The following ATG12 variants were observed in gnomAD, a reference collection of about 807,000 sequenced individuals.
ATG12 encodes autophagy related 12.
ATG12 carries 19 observed loss-of-function variants against 17.6 expected under a neutral mutation model. The ratio of observed to expected loss-of-function variants is 1.08; its 90% CI spans 0.75 to 1.58. ATG12 has a LOEUF of 1.58. Ranked by LOEUF, ATG12 falls within the 40% of genes most tolerant of loss-of-function variation. The pLI, the probability that ATG12 is intolerant of heterozygous loss-of-function variation, is 0.00. For missense variants in ATG12, 214 were observed against 162.0 expected (o/e 1.32, Z -1.74); for synonymous variants, 75 against 62.4 (o/e 1.20, Z -0.95).
chr5:115,840,719 C>A (rs921212381), intron 1 of ATG12: 2 of 1,188,084 alleles, frequency 1.7e-6, no homozygotes, highest in African/African-American at 3.2e-5. Flanking sequence ...AAACAGAGTG[C>A]TTTAGAACAC....
In ATG12 at chr5:115,831,783, CA is replaced by C. The variant is rs954983970; in HGVS notation, c.*20del. 1.9e-6 allele frequency: 3 copies of C among 1,609,152 alleles called. No individual in the cohort carries two copies. In the African/African-American group the frequency reaches 4.0e-5, roughly 22 times the overall value. Reference sequence around the variant, plus strand: ...CGTGAAAATCCATTTCATGTAGTAGCAAGTTGATTTTCTTTGTGGTTCATCC... The same window carrying C: ...CGTGAAAATCCATTTCATGTAGTAGCAGTTGATTTTCTTTGTGGTTCATCC... On this transcript the variant is annotated 3_prime_UTR_variant, in exon 4 of 4. Transcript: ENST00000509910.
chr5:115,840,903 GT>G, intron 1 of ATG12: 1 of 1,287,938 alleles, frequency 7.8e-7, no homozygotes, highest in Non-Finnish European at 1.0e-6. Context: ...TAAGAATTTG[GT>G]TTTTGGTTTA....
At chr5:115,833,897 T>G (rs1480737815) in intron 2 of ATG12, 2 of 152,164 alleles carry the variant, frequency 1.3e-5, no homozygotes, top group Admixed American at 1.3e-4. Context: ...AATAACAGCT[T>G]AGTTTATCAG....
intron 1 of ATG12, chr5:115,840,708 T>C (rs1761373229): frequency 2.5e-6 from 3 of 1,196,326 alleles, no homozygotes; most frequent in East Asian, 6.1e-5. Flanking sequence ...ACTCTAACTC[T>C]AAACAGAGTG....
intron 1 of ATG12, chr5:115,840,981 A>G (rs1580581204): frequency 1.1e-6 from 1 of 933,262 alleles, no homozygotes; most frequent in Non-Finnish European, 1.5e-6. Context: ...GAAGGCATGA[A>G]TTCTAATCCA....
intron 2 of ATG12, 116 bp from the exon 3 acceptor site, chr5:115,832,780 T>A: frequency 1.0e-6 from 1 of 980,086 alleles, no homozygotes; most frequent in African/African-American, 1.7e-5. Flanking sequence ...AGAAAGCTTC[T>A]CTGAACTCCT....
chr5:115,832,803 T>TG, intron 2 of ATG12, 139 bp from the exon 3 acceptor site: 1 of 771,658 alleles, frequency 1.3e-6, no homozygotes, highest in South Asian at 3.2e-5. Context: ...CTTTTCTAAA[T>TG]AGTCAATTTA....
At position 115,830,148 on chromosome 5, in the gene ATG12, A is replaced by G. The variant is rs1488549444; in HGVS notation, c.*1656T>C. The stretch of plus-strand genomic sequence containing the variant: ...AAAAAAAAAAAAAAAAAAAAAGTGC[A>G]AAGTCCTATGTATTCTTCAGAGTTG... On this transcript the variant is annotated 3_prime_UTR_variant, in exon 4 of 4. Transcript: ENST00000509910. The G allele has an allele frequency of 6.6e-6, 1 of 151,410 alleles. No individual in the cohort carries two copies. Among genetic ancestry groups the G allele is most frequent in the Non-Finnish European group, 1.5e-5 (1 of 67,896 alleles). 9.4% of individuals were successfully genotyped at this position (151,410 alleles called of 1,614,324 possible).
chr5:115,840,816 A>G (rs2112736986), intron 1 of ATG12: 1 of 1,228,824 alleles, frequency 8.1e-7, no homozygotes, highest in Non-Finnish European at 1.0e-6. Context: ...GAAATAACTC[A>G]CAAAGGTTCC....
chr5:115,841,086 C>G (rs1465862988), intron 1 of ATG12: 1 of 343,424 alleles, frequency 2.9e-6, no homozygotes, highest in African/African-American at 2.4e-5. Context: ...CCCCCTCCCC[C>G]CGCCCCACTC....
intron 2 of ATG12, chr5:115,835,255 G>A (rs887412959): frequency 3.9e-5 from 6 of 151,940 alleles, no homozygotes; most frequent in African/African-American, 9.7e-5. Flanking sequence ...TGATTTCATC[G>A]TCTCTAGGGA....
In ATG12 at chr5:115,830,648, T is replaced by C. The variant is rs891542925; in HGVS notation, c.*1156A>G. On this transcript the variant is annotated 3_prime_UTR_variant, in exon 4 of 4. Coordinates refer to ENST00000509910, the MANE Select transcript of ATG12 (RefSeq NM_004707.4). ...CCCTTGAACTTCTGGGCTCAGGGGA[T>C]CCTCTTGCCTCTGCAGCCTAATAAT... 1.3e-5 allele frequency: 2 copies of C among 152,086 alleles called. No homozygotes were observed. Among genetic ancestry groups the C allele is most frequent in the Non-Finnish European group, 2.9e-5 (2 of 68,020 alleles). The allele number at this position is 152,086 out of a possible 1,614,324, so 9.4% of individuals were successfully genotyped here.
intron 1 of ATG12, chr5:115,839,122 C>CAAAAA (rs35189719): frequency 2.2e-4 from 23 of 103,982 alleles, no homozygotes; most frequent in African/African-American, 5.3e-4. Context: ...GACATCCTCT[C>CAAAAA]AAAAAAAAAA....
intron 1 of ATG12, among the ~76,000 whole-genome samples, chr5:115,840,299 T>C (rs1419207060): frequency 6.7e-6 from 1 of 149,776 alleles, no homozygotes; most frequent in Non-Finnish European, 1.5e-5. Flanking sequence ...CCAATGTCTT[T>C]TTTTTTTTTT....
chr5:115,832,542 G>C (rs946766469), intron 3 of ATG12, 60 bp downstream of exon 3: 2 of 1,395,984 alleles, frequency 1.4e-6, no homozygotes, highest in East Asian at 6.1e-5. Context: ...GTGCATACTC[G>C]ATTAAGAAAA....
rs561841628 is a variant in ATG12, at chr5:115,828,658, A to G, written c.*3146T>C. The G allele has an allele frequency of 6.6e-6, 1 of 152,300 alleles. No individual in the cohort carries two copies. Among genetic ancestry groups the G allele is most frequent in the African/African-American group, 2.4e-5 (1 of 41,580 alleles). The allele number at this position is 152,300 out of a possible 1,614,324, so 9.4% of individuals were successfully genotyped here. On this transcript the variant is annotated 3_prime_UTR_variant, in exon 4 of 4. Coordinates refer to ENST00000509910, the MANE Select transcript of ATG12 (RefSeq NM_004707.4). ...TTCCATTACCTTCTGCTGTACAAAA[A>G]CTTAAACTATACAAAATTTCCTTTG...
intron 1 of ATG12, chr5:115,839,627 G>C (rs1247506801): frequency 1.3e-5 from 2 of 152,168 alleles, no homozygotes; most frequent in African/African-American, 4.8e-5. Flanking sequence ...TGATTTGCTT[G>C]TAGTTCTGAA....
intron 2 of ATG12, chr5:115,834,831 C>T (rs1238693127): frequency 6.6e-6 from 1 of 152,176 alleles, no homozygotes; most frequent in Non-Finnish European, 1.5e-5. Context: ...GTAATTTTAA[C>T]AGAATGCATC....
intron 2 of ATG12, chr5:115,832,937 G>A (rs1760948615): frequency 1.4e-5 from 4 of 280,910 alleles, no homozygotes. Flanking sequence ...TTTACAAATA[G>A]CTTTTGAAGA....
Sources: gnomAD v4.1 joint callset for allele counts (sites outside exome capture counted in the v4.1 genomes callset) on GRCh38, gnomAD v4.1.1 for gene constraint, MANE v1.5 for transcripts, NCBI Gene and HGNC (gene_info 2026-07-23, HGNC 2026-07-21) for gene names.